Variants in MPP3 observed in about 807,000 individuals in gnomAD.
MPP3 encodes the protein MAGUK p55 subfamily member 3.
In MPP3, 48 loss-of-function variants were observed where a neutral mutation model predicts 80.7. The ratio of observed to expected loss-of-function variants is 0.59; its 90% confidence interval spans 0.47 to 0.76. The LOEUF (loss-of-function observed/expected upper bound fraction) is 0.76. Among genes scored for constraint, MPP3 ranks in the 30% least tolerant of loss-of-function variants. The pLI, the probability that MPP3 is intolerant of heterozygous loss-of-function variation, is 0.00. For missense variants in MPP3, 620 were observed against 763.0 expected, an observed-to-expected ratio of 0.81 and a Z score of 2.21; for synonymous variants, 311 against 297.6, an observed-to-expected ratio of 1.04 and a Z score of -0.46.
At chr17:43,828,680 T>C (rs1323659394) in intron 7 of MPP3, among the ~76,000 whole-genome samples, 2 of 152,222 alleles carry the variant, frequency 1.3e-5, no homozygotes, top group African/African-American at 2.4e-5. Context: ...GCACACTTAT[T>C]GTTAACATCA....
At chr17:43,813,702 C>G (rs1020251396) in intron 16 of MPP3, among the ~76,000 whole-genome samples, 2 of 152,232 alleles carry the variant, frequency 1.3e-5, no homozygotes, top group African/African-American at 4.8e-5. Flanking sequence ...GGAATGCCCC[C>G]TACTGTGGGG....
At chr17:43,826,585 G>C (rs1365075609) in intron 8 of MPP3, among the ~76,000 whole-genome samples, 1 of 152,178 alleles carries the variant, frequency 6.6e-6, no homozygotes, top group African/African-American at 2.4e-5. Flanking sequence ...CAGCTTAGTA[G>C]CTCTTCCACA....
intron 5 of MPP3, 138 bp from the exon 6 acceptor site, chr17:43,830,245 G>C: frequency 3.7e-6 from 2 of 534,948 alleles, no homozygotes; most frequent in Non-Finnish European, 6.3e-6. Flanking sequence ...CGACGACGAT[G>C]ATCCTGGGAA....
intron 11 of MPP3, among the ~76,000 whole-genome samples, chr17:43,819,524 C>T (rs1017638872): frequency 4.6e-5 from 7 of 152,212 alleles, no homozygotes; most frequent in Non-Finnish European, 1.0e-4. Flanking sequence ...TCACACAGCA[C>T]CATGTCCTCC....
chr17:43,812,528 G>A (rs1197136834), intron 16 of MPP3, among the ~76,000 whole-genome samples: 2 of 152,042 alleles, frequency 1.3e-5, no homozygotes, highest in Admixed American at 6.6e-5. Flanking sequence ...ACACTGCTCC[G>A]TCCCTTTGCA....
chr17:43,806,979 CTT>C (rs919824921), intron 19 of MPP3, among the ~76,000 whole-genome samples: 2 of 144,746 alleles, frequency 1.4e-5, no homozygotes, highest in African/African-American at 2.5e-5. Context: ...TTTCTTGTGT[CTT>C]TTTTTTTTTA....
rs17742929 is a variant in MPP3, at chr17:43,814,069, G to A, written c.1197C>T (p.His399=). The A allele has an allele frequency of 0.19, 309,809 of 1,612,298 alleles. 32,402 individuals carry two copies. The highest frequency in any genetic ancestry group is 0.22 in the Middle Eastern group (1,359 of 6,058). The change falls in exon 16 of 20, where the codon CAC becomes CAT. Residue 399 remains histidine, a synonymous_variant. Coordinates refer to ENST00000398389, the MANE Select transcript of MPP3 (RefSeq NM_001932.6). The part of the protein sequence containing the change: ...VLIGSLGARL[H]ELKQKVVAEN... ...CAGCCACCACCTTTTGCTTCAGCTC[G>A]TGCAGTCGGGCTCCCAGAGACCCTG...
At chr17:43,808,866 T>A (rs1598325404) in intron 19 of MPP3, 90 bp downstream of exon 19, 1 of 1,425,038 alleles carries the variant, frequency 7.0e-7, no homozygotes, top group East Asian at 2.5e-5. Flanking sequence ...GCATCCCTCT[T>A]CAGCTGCAAG....
intron 16 of MPP3, 120 bp from the exon 17 acceptor site, chr17:43,811,325 C>T: frequency 2.8e-6 from 2 of 712,884 alleles, no homozygotes; most frequent in Non-Finnish European, 4.9e-6. Context: ...CAGGCACTTC[C>T]ACCTCATTGC....
rs772943969 is a variant in MPP3, at chr17:43,810,790, C to A, written c.1458+17G>T. On this transcript the variant is annotated intron_variant, in intron 18 of 19. Coordinates refer to ENST00000398389, the MANE Select transcript of MPP3 (RefSeq NM_001932.6). ...AATTCCGTTAACCAGAAATGGCCAGCAGGCCCAGCAACTCACTTCTGGCTC... is the reference window on the plus strand; with the variant it reads ...AATTCCGTTAACCAGAAATGGCCAGAAGGCCCAGCAACTCACTTCTGGCTC... 2 of 1,553,024 alleles carry A rather than the reference C, an allele frequency of 1.3e-6. No individual in the cohort carries two copies. Among genetic ancestry groups the A allele is most frequent in the Non-Finnish European group, 1.8e-6 (2 of 1,140,438 alleles).
chr17:43,816,810 T>C, intron 12 of MPP3, 113 bp from the exon 13 acceptor site: 1 of 941,280 alleles, frequency 1.1e-6, no homozygotes, highest in Non-Finnish European at 1.7e-6. Flanking sequence ...CTGGCCTCTT[T>C]CCCTTTCCTC....
chr17:43,833,115 A>C lies in MPP3; in HGVS notation c.-111T>G, dbSNP rs1284564891. The C allele has an allele frequency of 6.6e-6, 1 of 151,318 alleles. No individual in the cohort carries two copies. The highest frequency in any genetic ancestry group is 2.4e-5 in the African/African-American group (1 of 41,162). 9.4% of individuals were successfully genotyped at this position (151,318 alleles called of 1,614,324 possible). A position where few individuals can be genotyped will look rare whatever the true frequency, so the allele number is the denominator to read the frequency against. ...CGGCCTCCTACCTCGTCGCGCCGGG[A>C]TGTGTGCTCCGCGAACGGGAGCCGC... On this transcript the variant is annotated 5_prime_UTR_variant, in exon 1 of 20. Transcript: ENST00000398389.
At position 43,801,409 on chromosome 17, in the gene MPP3, C is replaced by A. The variant is rs2044403333; in HGVS notation, c.*292G>T. On this transcript the variant is annotated 3_prime_UTR_variant, in exon 20 of 20. Coordinates refer to ENST00000398389, the MANE Select transcript of MPP3 (RefSeq NM_001932.6). ...CACTACCACCCACAAAAGACAGTGG[C>A]TACTTAACTTTGGTACAAAGAATCA... 4 of 363,514 alleles carry A rather than the reference C, an allele frequency of 1.1e-5. No individual in the cohort carries two copies. The South Asian group carries it at 1.3e-4, about 12-fold the overall frequency. The allele number at this position is 363,514 out of a possible 1,614,324, so 22.5% of individuals were successfully genotyped here.
Position 43,823,931 on chromosome 17 carries a change from C to T in MPP3, c.684G>A (p.Lys228=), listed in dbSNP as rs781111125. Reference sequence around the variant, plus strand: ...GCACCGCGGACCCACCTCCCCATACCTTGCTCTCCTTTAAGCGATCTTCCT... The same window carrying T: ...GCACCGCGGACCCACCTCCCCATACTTTGCTCTCCTTTAAGCGATCTTCCT... The part of the protein sequence containing the change: ...TQEEDRLKES[K]VFMRALFHYN... The change falls in exon 10 of 20, where the codon AAG becomes AAA. Residue 228 remains lysine, a splice_region_variant and synonymous_variant. Transcript: ENST00000398389. 2 of 1,609,928 alleles carry T rather than the reference C, an allele frequency of 1.2e-6. No individual in the cohort carries two copies. The highest frequency in any genetic ancestry group is 1.7e-5 in the Admixed American group (1 of 59,418).
intron 8 of MPP3, among the ~76,000 whole-genome samples, chr17:43,827,256 T>C (rs947035461): frequency 1.3e-5 from 2 of 151,756 alleles, no homozygotes; most frequent in Admixed American, 6.6e-5. Flanking sequence ...CCTCAGGTGA[T>C]CCGCCCACCT....
At chr17:43,831,829 G>A (rs2045977439) in intron 3 of MPP3, 53 bp downstream of exon 3, 1 of 1,549,156 alleles carries the variant, frequency 6.5e-7, no homozygotes, top group Non-Finnish European at 8.7e-7. Context: ...AGGCTGCCAG[G>A]CAGGCTCTTG....
chr17:43,831,547 G>C lies in MPP3; in HGVS notation c.144+12C>G, dbSNP rs375440309. On this transcript the variant is annotated intron_variant, in intron 4 of 19. Coordinates refer to ENST00000398389, the MANE Select transcript of MPP3 (RefSeq NM_001932.6). The stretch of plus-strand genomic sequence containing the variant: ...TAGACACCCTTCCACGCAGGATGAC[G>C]TGGGACTTCACCTTCATTAAGTAAC... The C allele has an allele frequency of 6.3e-7, 1 of 1,584,920 alleles. No homozygotes were observed. The highest frequency in any genetic ancestry group is 1.3e-5 in the African/African-American group (1 of 74,314).
chr17:43,823,860 G>A, intron 10 of MPP3, 71 bp downstream of exon 10: 1 of 1,102,206 alleles, frequency 9.1e-7, no homozygotes, highest in Non-Finnish European at 1.4e-6. Context: ...GACTGGACTG[G>A]ATCCAGCCCC....
intron 16 of MPP3, among the ~76,000 whole-genome samples, chr17:43,813,033 ACT>A (rs2044942034): frequency 6.6e-6 from 1 of 151,922 alleles, no homozygotes. Flanking sequence ...GCCCCAGAAC[ACT>A]CTGAGGAGGC....
Sources: allele counts gnomAD v4.1 joint callset (sites outside exome capture counted in the v4.1 genomes callset), GRCh38; gene constraint gnomAD v4.1.1; transcripts MANE v1.5; gene names NCBI Gene and HGNC (gene_info 2026-07-23, HGNC 2026-07-21).